Variants in ESRRG observed in about 807,000 individuals in gnomAD.
The protein encoded by ESRRG is estrogen-related receptor gamma.
ESRRG carries 13 observed loss-of-function variants against 44.0 expected under a neutral mutation model. The observed-to-expected ratio is 0.30, with a 90% CI of 0.19 to 0.47. The LOEUF is 0.47. Ranked by LOEUF, ESRRG falls within the 20% of genes least tolerant of loss-of-function variation. ESRRG has a pLI of 1.00. For missense variants in ESRRG, 395 were observed against 580.6 expected (o/e 0.68, Z 3.29); for synonymous variants, 215 against 214.6 (o/e 1.00, Z -0.02).
At chr1:216,645,169 C>A (rs1254947104) in intron 3 of ESRRG, among the ~76,000 whole-genome samples, 2 of 152,162 alleles carry the variant, frequency 1.3e-5, no homozygotes, top group African/African-American at 4.8e-5. Context: ...CTTCAACTCT[C>A]ACGTCTGTTA....
intron 3 of ESRRG, among the ~76,000 whole-genome samples, chr1:216,571,556 A>T (rs2149670086): frequency 6.6e-6 from 1 of 152,300 alleles, no homozygotes; most frequent in African/African-American, 2.4e-5. Context: ...AGAAAAATTC[A>T]TATTACCTAT....
chr1:216,837,366 G>A (rs1350071832), intron 2 of ESRRG, among the ~76,000 whole-genome samples: 2 of 150,332 alleles, frequency 1.3e-5, no homozygotes, highest in African/African-American at 2.5e-5. Context: ...AGCCAAGATC[G>A]TGCCACCGCA....
chr1:216,631,537 A>T (rs908550862), intron 3 of ESRRG, among the ~76,000 whole-genome samples: 1 of 152,202 alleles, frequency 6.6e-6, no homozygotes, highest in South Asian at 2.1e-4. Flanking sequence ...CTCTCTAAAC[A>T]TCATTTAATT....
intron 2 of ESRRG, among the ~76,000 whole-genome samples, chr1:216,652,145 C>A (rs1574795303): frequency 6.6e-6 from 1 of 152,112 alleles, no homozygotes; most frequent in East Asian, 1.9e-4. Flanking sequence ...ACACCAAATG[C>A]ATAAATTCTC....
At chr1:216,737,796 A>T (rs1243727756) in intron 2 of ESRRG, among the ~76,000 whole-genome samples, 2 of 151,902 alleles carry the variant, frequency 1.3e-5, no homozygotes, top group Non-Finnish European at 2.9e-5. Flanking sequence ...AAAACAATAA[A>T]CTTATCTGCT....
intron 2 of ESRRG, among the ~76,000 whole-genome samples, chr1:216,900,191 G>C (rs992065648): frequency 2.0e-5 from 3 of 152,138 alleles, no homozygotes; most frequent in Admixed American, 6.5e-5. Context: ...AGTGTTTGTT[G>C]CACTTAACTA....
chr1:216,929,368 CA>C (rs895687881), intron 2 of ESRRG, among the ~76,000 whole-genome samples: 3 of 152,090 alleles, frequency 2.0e-5, no homozygotes, highest in Non-Finnish European at 4.4e-5. Context: ...ATAGAATTCA[CA>C]ACCCAGAAGA....
chr1:217,071,656 G>T (rs144682842), intron 1 of ESRRG, among the ~76,000 whole-genome samples: 1,755 of 152,222 alleles, frequency 0.012, 37 homozygotes, highest in African/African-American at 0.04. Flanking sequence ...ATAGGATGTT[G>T]CCCCATCAAA....
At chr1:216,815,624 C>G (rs2095110555) in intron 2 of ESRRG, among the ~76,000 whole-genome samples, 1 of 152,182 alleles carries the variant, frequency 6.6e-6, no homozygotes, top group African/African-American at 2.4e-5. Context: ...CCCCCACATA[C>G]TGCAGTTGCG....
intron 5 of ESRRG, among the ~76,000 whole-genome samples, chr1:216,547,256 A>T (rs573854315): frequency 4.7e-5 from 7 of 150,214 alleles, no homozygotes; most frequent in Non-Finnish European, 8.8e-5. Flanking sequence ...GATGTTGTTG[A>T]TGATGATGAT....
At chr1:216,599,426 C>A (rs1356550293) in intron 3 of ESRRG, among the ~76,000 whole-genome samples, 1 of 151,998 alleles carries the variant, frequency 6.6e-6, no homozygotes, top group African/African-American at 2.4e-5. Context: ...TGCTAAAAAT[C>A]CTCTGATCTA....
chr1:216,743,846 T>G (rs1289931292), intron 2 of ESRRG, among the ~76,000 whole-genome samples: 1 of 152,242 alleles, frequency 6.6e-6, no homozygotes, highest in Admixed American at 6.5e-5. Context: ...ATTCTAATTT[T>G]ACTGATTAGG....
chr1:216,577,377 T>G (rs2061871733), intron 3 of ESRRG, among the ~76,000 whole-genome samples: 1 of 152,106 alleles, frequency 6.6e-6, no homozygotes, highest in African/African-American at 2.4e-5. Flanking sequence ...TGGGTGAATA[T>G]TCTCTTTATC....
intron 1 of ESRRG, among the ~76,000 whole-genome samples, chr1:217,071,917 T>C (rs972469817): frequency 1.3e-4 from 20 of 152,200 alleles, no homozygotes; most frequent in Admixed American, 1.3e-3. Context: ...AGAGCTATGA[T>C]GTAAAGCATT....
intron 1 of ESRRG, among the ~76,000 whole-genome samples, chr1:217,127,916 T>C (rs2092912664): frequency 6.6e-6 from 1 of 152,236 alleles, no homozygotes; most frequent in African/African-American, 2.4e-5. Context: ...TTATTCCTTT[T>C]TGTCCCCACA....
chr1:216,811,404 T>A (rs945532749), intron 2 of ESRRG, among the ~76,000 whole-genome samples: 1 of 152,210 alleles, frequency 6.6e-6, no homozygotes, highest in Non-Finnish European at 1.5e-5. Context: ...TAATGACTTC[T>A]GATTTTAGGG....
At chr1:216,794,255 G>C (rs1320719897) in intron 2 of ESRRG, among the ~76,000 whole-genome samples, 1 of 152,140 alleles carries the variant, frequency 6.6e-6, no homozygotes, top group Non-Finnish European at 1.5e-5. Context: ...CGTAGGTCTT[G>C]GGTTTAGGGA....
intron 5 of ESRRG, among the ~76,000 whole-genome samples, chr1:216,539,631 G>C (rs1041302774): frequency 2.0e-5 from 3 of 151,890 alleles, no homozygotes; most frequent in African/African-American, 7.3e-5. Context: ...ACAAGAGTGG[G>C]GATTTTTTGG....
At chr1:216,983,546 T>C (rs1416729696) in intron 1 of ESRRG, among the ~76,000 whole-genome samples, 1 of 152,180 alleles carries the variant, frequency 6.6e-6, no homozygotes, top group Non-Finnish European at 1.5e-5. Context: ...GGGAGTTCCA[T>C]GACACATCTT....
Sources: gnomAD v4.1 joint callset for allele counts (sites outside exome capture counted in the v4.1 genomes callset) on GRCh38, gnomAD v4.1.1 for gene constraint, MANE v1.5 for transcripts, NCBI Gene and HGNC (gene_info 2026-07-23, HGNC 2026-07-21) for gene names.